AFF3: variants seen among roughly 807,000 people sequenced by gnomAD.
AFF3 encodes the protein AF4/FMR2 family member 3.
In AFF3, 32 loss-of-function variants were observed where a neutral mutation model predicts 129.7. The observed-to-expected ratio is 0.25, with a 90% CI of 0.19 to 0.33. AFF3 has a LOEUF of 0.33. Among genes scored for constraint, AFF3 ranks in the 10% least tolerant of loss-of-function variants. AFF3 has a pLI of 1.00. For synonymous variants in AFF3, 644 were observed against 635.4 expected (o/e 1.01, Z -0.20); for missense variants, 1,373 against 1,592.0 (o/e 0.86, Z 2.34).
At chr2:99,864,536 CAGGCTACCATTGTCATGAAA>C (rs1691234379) in intron 7 of AFF3, among the ~76,000 whole-genome samples, 1 of 152,192 alleles carries the variant, frequency 6.6e-6, no homozygotes, top group African/African-American at 2.4e-5. Context: ...CTCAAGTTAA[CAGGCTACCATTGTCATGAAA>C]AGGCCTCATG....
At chr2:100,129,568 T>G (rs2105583771) in intron 1 of AFF3, among the ~76,000 whole-genome samples, 1 of 152,310 alleles carries the variant, frequency 6.6e-6, no homozygotes, top group Admixed American at 6.5e-5. Context: ...AAATTACTAT[T>G]GTGCTTCACA....
intron 7 of AFF3, among the ~76,000 whole-genome samples, chr2:99,850,660 CT>C: frequency 6.6e-6 from 1 of 152,294 alleles, no homozygotes; most frequent in East Asian, 1.9e-4. Context: ...AAGATTCTAA[CT>C]TTAAGACTAT....
intron 4 of AFF3, among the ~76,000 whole-genome samples, chr2:100,089,087 T>C (rs938989589): frequency 6.6e-6 from 1 of 152,140 alleles, no homozygotes; most frequent in Admixed American, 6.5e-5. Flanking sequence ...AGGTATAAAG[T>C]GTGAACCTAT....
chr2:99,582,172 T>C (rs1462090859), intron 17 of AFF3, among the ~76,000 whole-genome samples: 2 of 152,106 alleles, frequency 1.3e-5, no homozygotes, highest in Non-Finnish European at 2.9e-5. Flanking sequence ...TTTCATGATA[T>C]TGTCTCTTTT....
chr2:99,793,528 G>C (rs1685353361), intron 8 of AFF3, among the ~76,000 whole-genome samples: 1 of 152,084 alleles, frequency 6.6e-6, no homozygotes, highest in Non-Finnish European at 1.5e-5. Flanking sequence ...AAATAAATTT[G>C]TACATTTCCC....
chr2:99,751,587 G>C (rs1005630382), intron 9 of AFF3, among the ~76,000 whole-genome samples: 1 of 152,164 alleles, frequency 6.6e-6, no homozygotes, highest in Admixed American at 6.5e-5. Context: ...CTCTGGCTTG[G>C]AGTGCCAGGG....
At chr2:99,610,058 T>C (rs1303943535) in intron 13 of AFF3, among the ~76,000 whole-genome samples, 2 of 152,200 alleles carry the variant, frequency 1.3e-5, no homozygotes, top group Non-Finnish European at 2.9e-5. Flanking sequence ...CTCCCCACCA[T>C]GCACCTTGTG....
intron 4 of AFF3, among the ~76,000 whole-genome samples, chr2:100,093,133 G>A (rs1041541695): frequency 2.6e-5 from 4 of 151,732 alleles, no homozygotes; most frequent in African/African-American, 7.3e-5. Flanking sequence ...CTGAGACAAG[G>A]TCTCTCTCTG....
At chr2:99,624,930 C>T (rs944550939) in intron 13 of AFF3, among the ~76,000 whole-genome samples, 1 of 152,190 alleles carries the variant, frequency 6.6e-6, no homozygotes, top group Non-Finnish European at 1.5e-5. Context: ...TACCGATTTC[C>T]AAACAGGCCC....
intron 11 of AFF3, among the ~76,000 whole-genome samples, chr2:99,678,649 T>C (rs1344729032): frequency 6.6e-6 from 1 of 152,244 alleles, no homozygotes; most frequent in African/African-American, 2.4e-5. Flanking sequence ...TTTGTTTCTA[T>C]AGCTGGTGCT....
chr2:99,862,600 A>G (rs966165735), intron 7 of AFF3, among the ~76,000 whole-genome samples: 12 of 152,258 alleles, frequency 7.9e-5, no homozygotes, highest in Admixed American at 5.2e-4. Flanking sequence ...CAAATTACTG[A>G]GGAAAGGGAA....
intron 7 of AFF3, among the ~76,000 whole-genome samples, chr2:99,897,882 T>A (rs1694087815): frequency 2.0e-5 from 3 of 152,326 alleles, no homozygotes; most frequent in African/African-American, 7.2e-5. Context: ...TTTATGCACT[T>A]AAGAGCCCCA....
chr2:99,589,208 G>A (rs1678413154), intron 15 of AFF3, among the ~76,000 whole-genome samples: 1 of 152,070 alleles, frequency 6.6e-6, no homozygotes, highest in Non-Finnish European at 1.5e-5. Flanking sequence ...ATTCCCAGAT[G>A]ATTAACTGAT....
chr2:99,553,918 CAAAAAAA>C (rs61326965), intron 24 of AFF3, among the ~76,000 whole-genome samples: 248 of 56,972 alleles, frequency 4.4e-3, no homozygotes, highest in Admixed American at 7.7e-3. Context: ...TGTCTCAAAC[CAAAAAAA>C]AAAAAAAAAA....
chr2:99,750,999 C>A (rs1312994713), intron 9 of AFF3, among the ~76,000 whole-genome samples: 1 of 152,160 alleles, frequency 6.6e-6, no homozygotes, highest in East Asian at 1.9e-4. Flanking sequence ...TAAGAAAAAT[C>A]AACTCTTAGA....
At chr2:100,115,272 G>A (rs1300829740) in intron 2 of AFF3, among the ~76,000 whole-genome samples, 3 of 152,224 alleles carry the variant, frequency 2.0e-5, no homozygotes, top group Non-Finnish European at 4.4e-5. Context: ...TACCAGCCAG[G>A]AGTGGTGGCT....
At chr2:99,687,431 G>T (rs1675174813) in intron 11 of AFF3, among the ~76,000 whole-genome samples, 1 of 152,216 alleles carries the variant, frequency 6.6e-6, no homozygotes, top group Non-Finnish European at 1.5e-5. Flanking sequence ...AAATGAGCCA[G>T]GTGGGTAATG....
chr2:99,996,604 TCTC>T (rs919288440), intron 7 of AFF3, among the ~76,000 whole-genome samples: 2 of 149,438 alleles, frequency 1.3e-5, no homozygotes, highest in African/African-American at 5.0e-5. Context: ...ATGGTCTCGA[TCTC>T]CTGACCTTGT....
intron 9 of AFF3, among the ~76,000 whole-genome samples, chr2:99,750,141 A>C (rs1558813857): frequency 6.6e-6 from 1 of 152,232 alleles, no homozygotes; most frequent in Non-Finnish European, 1.5e-5. Flanking sequence ...CACATAAAAA[A>C]GGTTTGCAAG....
Sources: gnomAD v4.1 joint callset for allele counts (sites outside exome capture counted in the v4.1 genomes callset) on GRCh38, gnomAD v4.1.1 for gene constraint, MANE v1.5 for transcripts, NCBI Gene and HGNC (gene_info 2026-07-23, HGNC 2026-07-21) for gene names.